The following ATP8B4 variants were observed in gnomAD, a reference collection of about 807,000 sequenced individuals.
ATP8B4 encodes ATPase phospholipid transporting 8B4 (putative).
A neutral mutation model predicts 145.6 loss-of-function variants in ATP8B4; 133 were observed. The observed-to-expected ratio is 0.91, with a 90% confidence interval of 0.79 to 1.05. ATP8B4 has a LOEUF of 1.05. Among genes scored for constraint, ATP8B4 ranks in the 50% least tolerant of loss-of-function variants. ATP8B4 has a pLI of 0.00. For missense variants in ATP8B4, 1,458 were observed against 1,425.2 expected, an observed-to-expected ratio of 1.02 and a Z score of -0.37; for synonymous variants, 507 against 492.9, an observed-to-expected ratio of 1.03 and a Z score of -0.38.
Position 49,866,227 on chromosome 15 carries a change from A to T in ATP8B4, c.3166+119T>A, listed in dbSNP as rs144609028. The T allele has an allele frequency of 7.2e-4, 1,008 of 1,397,464 alleles. 9 individuals are homozygous for T. In the African/African-American group the frequency reaches 0.014, roughly 19 times the overall value. 86.6% of individuals were successfully genotyped at this position (1,397,464 alleles called of 1,614,324 possible). A position where few individuals can be genotyped will look rare whatever the true frequency, so the allele number is the denominator to read the frequency against. On this transcript the variant is annotated intron_variant, in intron 26 of 27. Transcript: ENST00000284509. ...GGAAGCCTTCAGATGCCTGGCTCAA[A>T]CAATTTCTGGACAAAGGATCACTAA...
intron 23 of ATP8B4, chr15:49,895,406 C>T (rs1054925239): frequency 6.6e-6 from 1 of 152,168 alleles, no homozygotes; most frequent in African/African-American, 2.4e-5. Context: ...ACTGGTCCAA[C>T]CCAATTCACT....
chr15:50,123,651 A>G (rs1472153374), upstream of ATP8B4, among the ~76,000 whole-genome samples: 1 of 152,158 alleles, frequency 6.6e-6, no homozygotes, highest in Non-Finnish European at 1.5e-5. Flanking sequence ...GAGTAATAAT[A>G]AAACTCCTGT....
intron 2 of ATP8B4, among the ~76,000 whole-genome samples, chr15:50,095,616 G>A (rs375363170): frequency 1.3e-5 from 2 of 152,146 alleles, no homozygotes; most frequent in South Asian, 4.1e-4. Context: ...AACTAGCCAG[G>A]TGTGGTGGCA....
intron 1 of ATP8B4, among the ~76,000 whole-genome samples, chr15:50,168,324 G>A (rs1181451213): frequency 1.3e-5 from 2 of 152,142 alleles, no homozygotes; most frequent in African/African-American, 2.4e-5. Flanking sequence ...GACTGCTCCT[G>A]CAGGACCACA....
chr15:50,114,014 T>C (rs930348632), intron 1 of ATP8B4, among the ~76,000 whole-genome samples: 3 of 150,008 alleles, frequency 2.0e-5, no homozygotes, highest in African/African-American at 7.3e-5. Context: ...ATTCTAGTCA[T>C]GCAGCCATTA....
intron 1 of ATP8B4, among the ~76,000 whole-genome samples, chr15:50,129,745 C>T (rs1414647840): frequency 6.6e-6 from 1 of 151,904 alleles, no homozygotes; most frequent in African/African-American, 2.4e-5. Context: ...GTCAAGAGAT[C>T]GAGACCATCC....
At chr15:50,135,426 G>T (rs878964256) in intron 1 of ATP8B4, among the ~76,000 whole-genome samples, 1 of 152,102 alleles carries the variant, frequency 6.6e-6, no homozygotes, top group Non-Finnish European at 1.5e-5. Context: ...CCATTTCCAT[G>T]AATCATTATC....
Position 49,860,492 on chromosome 15 carries a change from C to G in ATP8B4, c.3298-17G>C. The G allele has an allele frequency of 5.7e-6, 9 of 1,586,120 alleles. No homozygotes were observed. Among genetic ancestry groups the G allele is most frequent in the Non-Finnish European group, 7.7e-6 (9 of 1,168,724 alleles). ...CCGGCGGATCTGGAGAGAAACAGAC[C>G]CAAAGTGAGATGATGCATCCAAATG... On this transcript the variant is annotated splice_polypyrimidine_tract_variant and intron_variant, in intron 27 of 27. Transcript: ENST00000284509.
chr15:49,923,644 C>T, intron 16 of ATP8B4, 150 bp from the exon 17 acceptor site: 1 of 544,222 alleles, frequency 1.8e-6, no homozygotes, highest in South Asian at 2.6e-5. Context: ...AGGTCATTAC[C>T]TAAGTCACTT....
At chr15:50,073,005 TATATATATATATATACACACACACACAC>T (rs1189185665) in intron 3 of ATP8B4, among the ~76,000 whole-genome samples, 348 of 57,908 alleles carry the variant, frequency 6.0e-3, no homozygotes, top group Middle Eastern at 8.8e-3. Context: ...TATATATATA[TATATATATATATATACACACACACACAC>T]ACACACACAC....
chr15:50,130,348 C>A (rs2057337401), intron 1 of ATP8B4, among the ~76,000 whole-genome samples: 1 of 152,184 alleles, frequency 6.6e-6, no homozygotes, highest in African/African-American at 2.4e-5. Context: ...CAATTTCCCA[C>A]TGGTAGCACT....
chr15:50,178,388 T>G (rs1458208524), intron 1 of ATP8B4, among the ~76,000 whole-genome samples: 1 of 152,238 alleles, frequency 6.6e-6, no homozygotes, highest in African/African-American at 2.4e-5. Flanking sequence ...CCTGTGGAAT[T>G]TATGTTACTG....
chr15:50,015,541 T>C (rs139494508), intron 6 of ATP8B4, among the ~76,000 whole-genome samples: 9 of 152,296 alleles, frequency 5.9e-5, no homozygotes, highest in East Asian at 1.9e-4. Context: ...TAGAAAAAGA[T>C]TGGACCCTAA....
intron 14 of ATP8B4, among the ~76,000 whole-genome samples, chr15:49,954,361 G>A (rs2043367056): frequency 6.6e-6 from 1 of 152,102 alleles, no homozygotes; most frequent in South Asian, 2.1e-4. Flanking sequence ...AAGAGCTTCT[G>A]CACAGCAAGA....
chr15:50,159,737 G>A (rs976844975), intron 1 of ATP8B4, among the ~76,000 whole-genome samples: 3 of 152,018 alleles, frequency 2.0e-5, no homozygotes, highest in African/African-American at 2.4e-5. Flanking sequence ...AAAATTATAC[G>A]GCTTTTGTTC....
chr15:50,059,061 C>A (rs1157533924), intron 3 of ATP8B4, among the ~76,000 whole-genome samples: 1 of 152,128 alleles, frequency 6.6e-6, no homozygotes, highest in Non-Finnish European at 1.5e-5. Flanking sequence ...ATATCATGCA[C>A]AACGGGTTTG....
chr15:50,083,977 G>T (rs1310972112), intron 2 of ATP8B4, among the ~76,000 whole-genome samples: 1 of 152,182 alleles, frequency 6.6e-6, no homozygotes, highest in African/African-American at 2.4e-5. Flanking sequence ...AGACAGGCCA[G>T]AGAGCCACAG....
intron 1 of ATP8B4, among the ~76,000 whole-genome samples, chr15:50,177,762 T>A (rs2044784995): frequency 1.3e-5 from 2 of 152,226 alleles, no homozygotes; most frequent in Non-Finnish European, 2.9e-5. Context: ...CTTAGAGATG[T>A]GAATTCTTTG....
At chr15:49,906,591 G>A (rs984320529) in intron 20 of ATP8B4, among the ~76,000 whole-genome samples, 15 of 152,208 alleles carry the variant, frequency 9.9e-5, no homozygotes, top group African/African-American at 2.9e-4. Flanking sequence ...AAAATACAAC[G>A]AAACTTTTGT....
Sources: gnomAD v4.1 joint callset for allele counts (sites outside exome capture counted in the v4.1 genomes callset) on GRCh38, gnomAD v4.1.1 for gene constraint, MANE v1.5 for transcripts, NCBI Gene and HGNC (gene_info 2026-07-23, HGNC 2026-07-21) for gene names.